The following SYNE2 variants were observed in gnomAD, a reference collection of about 807,000 sequenced individuals.
The protein encoded by SYNE2 is spectrin repeat containing nuclear envelope protein 2.
In SYNE2, 431 loss-of-function variants were observed where a neutral mutation model predicts 856.3. That is an observed-to-expected ratio of 0.50 (90% CI 0.47 to 0.55). SYNE2 has a LOEUF of 0.55. Among genes scored for constraint, SYNE2 ranks in the 20% least tolerant of loss-of-function variants. SYNE2 has a pLI of 0.00. For synonymous variants in SYNE2, 2,923 were observed against 2,872.3 expected (o/e 1.02, Z -0.56); for missense variants, 8,129 against 8,023.2 (o/e 1.01, Z -0.50).
In SYNE2 at chr14:64,021,197, A is replaced by G. The variant is rs763414102; in HGVS notation, c.5152-118A>G. The stretch of plus-strand genomic sequence containing the variant: ...TGACATAGAAAAACGTAGAGCAATG[A>G]AAAGAATGCATTTCACATTGAAATG... On this transcript the variant is annotated intron_variant, in intron 35 of 115. Coordinates refer to ENST00000555002, the MANE Select transcript of SYNE2 (RefSeq NM_182914.3). The G allele has an allele frequency of 1.1e-5, 9 of 818,316 alleles. No individual in the cohort carries two copies. In the Admixed American group the frequency reaches 1.4e-4, roughly 13 times the overall value. The allele number at this position is 818,316 out of a possible 1,614,324, so 50.7% of individuals were successfully genotyped here.
At chr14:63,830,135 T>A (rs1889613841) in intron 1 of SYNE2, among the ~76,000 whole-genome samples, 1 of 152,112 alleles carries the variant, frequency 6.6e-6, no homozygotes, top group African/African-American at 2.4e-5. Context: ...GGACCATCCA[T>A]ATATTATATC....
At chr14:63,993,575 A>G (rs1339794404) in intron 21 of SYNE2, among the ~76,000 whole-genome samples, 1 of 152,218 alleles carries the variant, frequency 6.6e-6, no homozygotes, top group African/African-American at 2.4e-5. Flanking sequence ...TCATAAAGGT[A>G]TCTTAATCTG....
chr14:63,849,265 CTTTTT>C (rs35001530), upstream of SYNE2, among the ~76,000 whole-genome samples: 1,545 of 127,110 alleles, frequency 0.012, 30 homozygotes, highest in African/African-American at 0.041. Context: ...AGTTAATCTC[CTTTTT>C]TTTTTTTTTT....
intron 1 of SYNE2, among the ~76,000 whole-genome samples, chr14:63,835,588 T>TGC (rs1166424546): frequency 6.6e-6 from 1 of 152,034 alleles, no homozygotes; most frequent in Non-Finnish European, 1.5e-5. Context: ...TGTGTGTGTG[T>TGC]GTGTGTATTT....
In SYNE2 at chr14:64,085,495, T is replaced by C. The variant is rs192371847; in HGVS notation, c.11485-2176T>C. Among the ~76,000 whole-genome samples, 401 of 152,358 alleles carry C rather than the reference T, an allele frequency of 2.6e-3. 4 individuals carry two copies. Among genetic ancestry groups the C allele is most frequent in the South Asian group, 0.016 (78 of 4,832 alleles). On this transcript the variant is annotated intron_variant, in intron 57 of 115. Transcript: ENST00000555002. ...GCTGTGAATGTTTATATATAAATCT[T>C]TGTGTAGACAAATGTTTTCATTTTA...
chr14:64,037,174 C>G (rs1469669756), intron 45 of SYNE2, among the ~76,000 whole-genome samples: 1 of 149,276 alleles, frequency 6.7e-6, no homozygotes, highest in Non-Finnish European at 1.5e-5. Context: ...GGGTGTTTCT[C>G]GCAGAGGGGG....
chr14:64,037,897 CCCCAACCTCCCT>C (rs1215260641), intron 45 of SYNE2, among the ~76,000 whole-genome samples: 12 of 150,464 alleles, frequency 8.0e-5, no homozygotes, highest in African/African-American at 2.9e-4. Context: ...GGGGGCTGAC[CCCCAACCTCCCT>C]CCCGGACCGG....
intron 112 of SYNE2, among the ~76,000 whole-genome samples, chr14:64,222,599 G>T (rs746413705): frequency 2.6e-5 from 4 of 152,102 alleles, no homozygotes; most frequent in Admixed American, 6.6e-5. Flanking sequence ...GGTGGCAGGC[G>T]CCTGTAATCC....
chr14:63,827,616 A>C, intron 1 of SYNE2, among the ~76,000 whole-genome samples: 1 of 106,292 alleles, frequency 9.4e-6, no homozygotes, highest in Non-Finnish European at 1.9e-5. Flanking sequence ...CAAGATTGAA[A>C]CTCTGTCTCA....
In SYNE2 at chr14:64,186,454, C is replaced by G; in HGVS notation, c.17587C>G (p.Gln5863Glu). Residue 5863 changes from glutamine to glutamate, a missense_variant, in exon 97 of 116, where the codon CAG becomes GAG. This residue lies in a region of SYNE2 where 5,410 missense variants were observed against 5,284.8 expected (regional missense o/e 1.02). Transcript: ENST00000555002. ...AGAACAGTCTTTGGCTAGCTGGACT[C>G]AGAACTTGAAAGAACTTCAAACTAT... is the stretch of plus-strand genomic sequence containing the variant. ...ELEQSLASWT[Q>E]NLKELQTMKA... is the part of the protein sequence containing the mutation. 1.2e-6 allele frequency: 2 copies of G among 1,614,222 alleles called. No individual in the cohort carries two copies. The highest frequency in any genetic ancestry group is 2.2e-5 in the South Asian group (2 of 91,086).
chr14:63,932,922 A>T (rs35539333), intron 2 of SYNE2, among the ~76,000 whole-genome samples: 78,794 of 152,050 alleles, frequency 0.52, 22,605 homozygotes, highest in Non-Finnish European at 0.63. Context: ...GAGAAATAGG[A>T]TATGGGTAGA....
At position 63,997,152 on chromosome 14, in the gene SYNE2, A is replaced by G; in HGVS notation, c.3146A>G (p.Lys1049Arg). 2 of 1,613,860 alleles carry G rather than the reference A, an allele frequency of 1.2e-6. No individual in the cohort carries two copies. Among genetic ancestry groups the G allele is most frequent in the Non-Finnish European group, 1.7e-6 (2 of 1,179,804 alleles). ...CAGCCCACAGCGGGAGGCACGTCGA[A>G]AAACGAGTTAGTACTTCATAAGAAT... is the stretch of plus-strand genomic sequence containing the variant. ...TLQPTAGGTS[K>R]NEGTITTSEN... Residue 1049 changes from lysine (K) to arginine (R), a missense_variant, in exon 24 of 116, where the codon AAA (lysine) becomes AGA (arginine). This residue lies in a region of SYNE2 where 2,422 missense variants were observed against 2,357.4 expected (regional missense o/e 1.03). Transcript: ENST00000555002.
intron 86 of SYNE2, 69 bp downstream of exon 86, chr14:64,158,864 C>T (rs1017867943): frequency 3.4e-5 from 52 of 1,522,374 alleles, no homozygotes; most frequent in Non-Finnish European, 4.0e-5. Flanking sequence ...AGCACAGTAA[C>T]GGGCATAACT....
intron 50 of SYNE2, 71 bp from the exon 51 acceptor site, chr14:64,065,361 A>T: frequency 7.7e-7 from 1 of 1,307,154 alleles, no homozygotes; most frequent in Non-Finnish European, 1.1e-6. Context: ...TTCAGGATTT[A>T]AAAGAGTTAG....
chr14:64,029,134 C>A (rs1022273924), intron 43 of SYNE2, among the ~76,000 whole-genome samples: 13 of 151,380 alleles, frequency 8.6e-5, no homozygotes, highest in African/African-American at 3.2e-4. Context: ...GACTCCATCT[C>A]AAAAAAAATA....
At chr14:63,986,376 A>T (rs1040606546) in intron 18 of SYNE2, 80 bp from the exon 19 acceptor site, 2 of 1,465,262 alleles carry the variant, frequency 1.4e-6, no homozygotes, top group African/African-American at 2.8e-5. Flanking sequence ...CTGGGATTAC[A>T]GGTGTAACTT....
intron 45 of SYNE2, among the ~76,000 whole-genome samples, chr14:64,038,512 G>A (rs2097120768): frequency 6.6e-6 from 1 of 152,210 alleles, no homozygotes; most frequent in Non-Finnish European, 1.5e-5. Flanking sequence ...GGAGGTTGTA[G>A]CGAGCCGAGA....
intron 1 of SYNE2, chr14:63,873,787 A>G (rs1457565626): frequency 6.6e-6 from 1 of 152,190 alleles, no homozygotes; most frequent in African/African-American, 2.4e-5. Context: ...TCCTCACTGA[A>G]CTGTGGATGG....
intron 1 of SYNE2, among the ~76,000 whole-genome samples, chr14:63,771,179 C>T (rs1447747579): frequency 6.6e-6 from 1 of 151,020 alleles, no homozygotes; most frequent in East Asian, 2.0e-4. Flanking sequence ...ACGCCATTCT[C>T]CTGCCTCAGC....
Sources: allele counts gnomAD v4.1 joint callset (sites outside exome capture counted in the v4.1 genomes callset), GRCh38; gene constraint gnomAD v4.1.1; regional missense constraint gnomAD v4.1.1; transcripts MANE v1.5; gene names NCBI Gene and HGNC (gene_info 2026-07-23, HGNC 2026-07-21).